The following DIPK2B variants were observed in gnomAD, a reference collection of about 807,000 sequenced individuals.
DIPK2B encodes the protein UPF0672 protein CXorf36.
A neutral mutation model predicts 22.2 loss-of-function variants in DIPK2B; 15 were observed. The ratio of observed to expected loss-of-function variants is 0.68; its 90% CI spans 0.45 to 1.04. DIPK2B has a LOEUF of 1.04. Among genes scored for constraint, DIPK2B ranks in the 50% least tolerant of loss-of-function variants. The probability of loss-of-function intolerance (pLI) is 0.00; values close to 1 mark genes in which losing one functional copy is unlikely to be tolerated. For missense variants in DIPK2B, 345 were observed against 348.3 expected, an observed-to-expected ratio of 0.99 and a Z score of 0.08; for synonymous variants, 163 against 153.2, an observed-to-expected ratio of 1.06 and a Z score of -0.47.
intron 3 of DIPK2B, among the ~76,000 whole-genome samples, chrX:45,156,059 C>A (rs938684619): frequency 9.6e-6 from 1 of 104,257 alleles, no homozygotes; most frequent in Non-Finnish European, 2.0e-5. Context: ...CTCCACCTCC[C>A]GGGTTCAAGC....
intron 2 of DIPK2B, among the ~76,000 whole-genome samples, chrX:45,158,091 C>G (rs955671707): frequency 1.8e-5 from 1 of 55,871 alleles, no homozygotes; most frequent in African/African-American, 7.4e-5. Context: ...TCTGCCCAGG[C>G]GGAGCAGGGG....
intron 2 of DIPK2B, among the ~76,000 whole-genome samples, chrX:45,181,744 G>A (rs1290514902): frequency 1.8e-5 from 2 of 112,143 alleles, no homozygotes; most frequent in African/African-American, 6.5e-5. Context: ...AAATATTAAA[G>A]CTTCTAGAAG....
intron 2 of DIPK2B, among the ~76,000 whole-genome samples, chrX:45,189,172 C>T (rs2047198437): frequency 1.8e-5 from 2 of 112,580 alleles, no homozygotes; most frequent in African/African-American, 3.2e-5. Context: ...GGATTATGGG[C>T]GTGAGCCACT....
chrX:45,191,780 C>A lies in DIPK2B; in HGVS notation c.469G>T (p.Ala157Ser), dbSNP rs1218610343. The change falls in exon 2 of 5, where the codon GCC becomes TCC. Residue 157 changes from alanine to serine, a missense_variant. Physicochemically the swap from Ala to Ser is moderately conservative, Grantham distance 99 (BLOSUM62 1). Transcript: ENST00000398000. ...ACCAGGTCCGGCGTGAGGCGCTTGG[C>A]CTGCAGCCATTTCTGGAACCTCTCT... is the stretch of plus-strand genomic sequence containing the variant. ...KTERFQKWLQ[A>S]KRLTPDLVQG... 8.3e-7 allele frequency: 1 copy of A among 1,210,207 alleles called. No individual in the cohort carries two copies. The highest frequency in any genetic ancestry group is 3.0e-5 in the East Asian group (1 of 33,792).
chrX:45,181,655 GA>G (rs1418075840), intron 2 of DIPK2B, among the ~76,000 whole-genome samples: 3 of 111,343 alleles, frequency 2.7e-5, no homozygotes, highest in Non-Finnish European at 5.7e-5. Context: ...TTCATATGGG[GA>G]AAAAACCCTT....
In DIPK2B at chrX:45,191,970, G is replaced by A. The variant is rs750400587; in HGVS notation, c.279C>T (p.Ser93=). ...LASHLGLPPD[S]LLSYPANYSD... ...AGTAATTTGCAGGATAAGAAAGCAA[G>A]GAATCGGGAGGCAGTCCAAGGTGGG... Residue 93 remains serine (S), a synonymous_variant, in exon 2 of 5, where the codon TCC becomes TCT. Transcript: ENST00000398000. 2.0e-5 allele frequency: 24 copies of A among 1,209,921 alleles called. No homozygotes were observed. The highest frequency in any genetic ancestry group is 2.6e-5 in the Non-Finnish European group (23 of 895,029).
chrX:45,184,433 A>G (rs5952707), intron 2 of DIPK2B, among the ~76,000 whole-genome samples: 26,927 of 111,146 alleles, frequency 0.24, 2,967 homozygotes, highest in African/African-American at 0.44. Flanking sequence ...ATTTATTTCA[A>G]CCCCAAGAAT....
Position 45,153,840 on chromosome X carries a change from C to T in DIPK2B, c.961+70G>A, listed in dbSNP as rs1057130525. ...AAGGCCCAATAGCATGACCCCTGGC[C>T]ACCCCTCCCTAGCTCCTGTCACCCT... On this transcript the variant is annotated intron_variant, in intron 4 of 4. Transcript: ENST00000398000. The T allele has an allele frequency of 4.0e-6, 4 of 1,009,850 alleles. No individual in the cohort carries two copies. The African/African-American group carries it at 5.7e-5, about 14-fold the overall frequency. The allele number at this position is 1,009,850 out of a possible 1,213,427, so 83.2% of individuals were successfully genotyped here. A position where few individuals can be genotyped will look rare whatever the true frequency, so the allele number is the denominator to read the frequency against.
At chrX:45,171,185 G>A (rs1036810217) in intron 2 of DIPK2B, among the ~76,000 whole-genome samples, 6 of 110,809 alleles carry the variant, frequency 5.4e-5, no homozygotes, top group Admixed American at 3.8e-4. Context: ...TCGGGCTTAT[G>A]GCAGGTGTAA....
At chrX:45,162,886 T>TAC in intron 2 of DIPK2B, 1 of 754,140 alleles carries the variant, frequency 1.3e-6, no homozygotes, top group Non-Finnish European at 1.6e-6. Context: ...ATAGGGGCCT[T>TAC]TGGTTCAGGG....
rs1041528805 is a variant in DIPK2B at position 45,200,503 on chromosome X, C to T, written c.233+91G>A. ...TTTGTTTCAGCTCCCACCCATATTA[C>T]ATCCTGATTCCTTTTCAACAAATTC... On this transcript the variant is annotated intron_variant, in intron 1 of 4. Transcript: ENST00000398000. 8 of 845,797 alleles carry T rather than the reference C, an allele frequency of 9.5e-6. No homozygotes were observed. The African/African-American group carries it at 1.6e-4, about 17-fold the overall frequency. 69.7% of individuals were successfully genotyped at this position (845,797 alleles called of 1,213,427 possible).
Position 45,200,859 on chromosome X carries a change from C to A in DIPK2B, c.-33G>T, listed in dbSNP as rs1297790142. 9.1e-7 allele frequency: 1 copy of A among 1,104,754 alleles called. No individual in the cohort carries two copies. Among genetic ancestry groups the A allele is most frequent in the Non-Finnish European group, 1.2e-6 (1 of 822,989 alleles). 91.0% of individuals were successfully genotyped at this position (1,104,754 alleles called of 1,213,427 possible). On this transcript the variant is annotated 5_prime_UTR_variant, in exon 1 of 5. Coordinates refer to ENST00000398000, the MANE Select transcript of DIPK2B (RefSeq NM_176819.4). ...TCTGGGCTCCAGCTGCAGCCTCTGG[C>A]TGTCCACTCGAGGCTGTACAGAGGC...
In DIPK2B at chrX:45,200,856, T is replaced by A; in HGVS notation, c.-30A>T. ...GGCTCTGGGCTCCAGCTGCAGCCTC[T>A]GGCTGTCCACTCGAGGCTGTACAGA... On this transcript the variant is annotated 5_prime_UTR_variant, in exon 1 of 5. Transcript: ENST00000398000. 1 of 1,112,792 alleles carries A rather than the reference T, an allele frequency of 9.0e-7. No individual in the cohort carries two copies. The highest frequency in any genetic ancestry group is 1.2e-6 in the Non-Finnish European group (1 of 829,346). 91.7% of individuals were successfully genotyped at this position (1,112,792 alleles called of 1,213,427 possible).
Position 45,151,383 on chromosome X carries a change from G to A in DIPK2B, c.*269C>T. ...CTTCTTTCACCCTCAGGAGAGTCTG[G>A]TGGAGAACAGAGGAAACTGAGGCTC... On this transcript the variant is annotated 3_prime_UTR_variant, in exon 5 of 5. Coordinates refer to ENST00000398000, the MANE Select transcript of DIPK2B (RefSeq NM_176819.4). 1 of 385,188 alleles carries A rather than the reference G, an allele frequency of 2.6e-6. No homozygotes were observed. The highest frequency in any genetic ancestry group is 4.5e-6 in the Non-Finnish European group (1 of 221,953). 31.7% of individuals were successfully genotyped at this position (385,188 alleles called of 1,213,427 possible).
chrX:45,187,095 G>A (rs991151414), intron 2 of DIPK2B, among the ~76,000 whole-genome samples: 1 of 111,953 alleles, frequency 8.9e-6, no homozygotes, highest in African/African-American at 3.2e-5. Context: ...ATCTAGTGGG[G>A]GGAAAGGCTC....
At chrX:45,199,642 C>G (rs2047256990) in intron 1 of DIPK2B, among the ~76,000 whole-genome samples, 1 of 111,413 alleles carries the variant, frequency 9.0e-6, no homozygotes, top group Admixed American at 9.5e-5. Flanking sequence ...AATACCTTCT[C>G]CTGGGGAAGC....
At chrX:45,187,468 G>GCACACACA (rs34308256) in intron 2 of DIPK2B, among the ~76,000 whole-genome samples, 8 of 98,492 alleles carry the variant, frequency 8.1e-5, no homozygotes, top group African/African-American at 1.8e-4. Flanking sequence ...GCGCGCGCGC[G>GCACACACA]CACACACACA....
intron 2 of DIPK2B, among the ~76,000 whole-genome samples, chrX:45,184,858 C>T (rs1032610858): frequency 3.6e-5 from 4 of 111,842 alleles, no homozygotes; most frequent in Non-Finnish European, 7.5e-5. Flanking sequence ...TTGTTATTAT[C>T]CTGATATTAT....
chrX:45,155,341 T>G (rs1027152812), intron 3 of DIPK2B, among the ~76,000 whole-genome samples: 72 of 109,818 alleles, frequency 6.6e-4, no homozygotes, highest in African/African-American at 2.4e-3. Flanking sequence ...GAGAATCACT[T>G]GAACCCAGGT....
Sources: allele counts gnomAD v4.1 joint callset (sites outside exome capture counted in the v4.1 genomes callset), GRCh38; gene constraint gnomAD v4.1.1; transcripts MANE v1.5; gene names NCBI Gene and HGNC (gene_info 2026-07-23, HGNC 2026-07-21).